Variants in PACRG observed in about 807,000 individuals in gnomAD.
PACRG encodes parkin coregulated, also known as parkin coregulated gene protein.
In PACRG, 29 loss-of-function variants were observed where a neutral mutation model predicts 29.7. The observed-to-expected ratio is 0.98, with a 90% CI of 0.73 to 1.33. The LOEUF is 1.33. PACRG is among the 40% of genes most tolerant of loss of function. The pLI, the probability that PACRG is intolerant of heterozygous loss-of-function variation, is 0.00. For missense variants in PACRG, 279 were observed against 316.2 expected (o/e 0.88, Z 0.89); for synonymous variants, 116 against 118.7 (o/e 0.98, Z 0.15).
intron 2 of PACRG, among the ~76,000 whole-genome samples, chr6:162,945,964 T>G (rs188181738): frequency 1.1e-4 from 16 of 152,134 alleles, no homozygotes; most frequent in African/African-American, 3.1e-4. Context: ...TTGAAACAAA[T>G]GAAAGTCAAA....
intron 4 of PACRG, among the ~76,000 whole-genome samples, chr6:163,194,284 T>C (rs1360501785): frequency 6.6e-6 from 1 of 152,150 alleles, no homozygotes; most frequent in East Asian, 1.9e-4. Flanking sequence ...TGGGGTTCTG[T>C]TTTTACTTTT....
intron 1 of PACRG, among the ~76,000 whole-genome samples, chr6:162,795,340 A>C (rs1269771335): frequency 1.3e-5 from 2 of 152,128 alleles, no homozygotes; most frequent in East Asian, 1.9e-4. Flanking sequence ...TGTTGGAACT[A>C]ATTCTGTTGT....
intron 2 of PACRG, among the ~76,000 whole-genome samples, chr6:163,042,350 C>T (rs1277137124): frequency 1.3e-5 from 2 of 152,118 alleles, no homozygotes; most frequent in Admixed American, 6.5e-5. Context: ...TTGGTCTTCT[C>T]CAGCAGTCAT....
In PACRG at chr6:163,072,545, G is replaced by C. The variant is rs143221951; in HGVS notation, c.463+10224G>C. The stretch of plus-strand genomic sequence containing the variant: ...TGAAAGCCTTTCCTCCTAAAATCAG[G>C]AACACGACAGAGCGCCCACTTTCAC... On this transcript the variant is annotated intron_variant, in intron 3 of 4. Coordinates refer to ENST00000366888, the MANE Select transcript of PACRG (RefSeq NM_001080379.2). 1.1e-3 allele frequency among the ~76,000 whole-genome samples: 170 copies of C among 152,194 alleles called. 3 individuals carry two copies. In the East Asian group the frequency reaches 0.017, roughly 15 times the overall value.
At chr6:162,788,801 A>G (rs1250468566) in intron 1 of PACRG, among the ~76,000 whole-genome samples, 2 of 152,150 alleles carry the variant, frequency 1.3e-5, no homozygotes, top group Non-Finnish European at 2.9e-5. Flanking sequence ...CCATCTTTAT[A>G]TCTTTGGGAG....
chr6:163,231,542 G>C (rs1264449266), intron 4 of PACRG, among the ~76,000 whole-genome samples: 1 of 152,176 alleles, frequency 6.6e-6, no homozygotes, highest in Non-Finnish European at 1.5e-5. Flanking sequence ...AGATGGATCA[G>C]CAACTTTGCA....
intron 2 of PACRG, among the ~76,000 whole-genome samples, chr6:163,047,430 A>C (rs1298056269): frequency 6.6e-6 from 1 of 152,214 alleles, no homozygotes; most frequent in African/African-American, 2.4e-5. Context: ...ACTATATGAC[A>C]AGAGGTTGAG....
Position 163,151,942 on chromosome 6 carries a change from G to A in PACRG, c.613+62534G>A, listed in dbSNP as rs555221155. 9.9e-4 allele frequency among the ~76,000 whole-genome samples: 150 copies of A among 152,244 alleles called. 1 individual carries two copies. Among genetic ancestry groups the A allele is most frequent in the African/African-American group, 3.3e-3 (136 of 41,538 alleles). ...AGCCCTTAGATTCTACCCCAAATAT[G>A]TCTTCTTAAATCCACTGTTTTTCTT... On this transcript the variant is annotated intron_variant, in intron 4 of 4. Transcript: ENST00000366888.
chr6:163,111,527 G>T (rs1815713572), intron 4 of PACRG, among the ~76,000 whole-genome samples: 1 of 152,192 alleles, frequency 6.6e-6, no homozygotes, highest in South Asian at 2.1e-4. Context: ...GAACTGATAG[G>T]ATGCTTTCTG....
At chr6:163,171,844 T>C (rs1162726441) in intron 4 of PACRG, among the ~76,000 whole-genome samples, 1 of 152,192 alleles carries the variant, frequency 6.6e-6, no homozygotes, top group Non-Finnish European at 1.5e-5. Flanking sequence ...GCACTGCCTG[T>C]GGGGACCCCT....
chr6:162,791,286 ACT>A (rs1784914420), intron 1 of PACRG, among the ~76,000 whole-genome samples: 1 of 140,290 alleles, frequency 7.1e-6, no homozygotes, highest in Non-Finnish European at 1.5e-5. Context: ...TCTTTTCCCC[ACT>A]CTGACTCCTA....
intron 4 of PACRG, among the ~76,000 whole-genome samples, chr6:163,297,318 G>A (rs2128188880): frequency 6.6e-6 from 1 of 152,326 alleles, no homozygotes; most frequent in Non-Finnish European, 1.5e-5. Context: ...CACGGTTCAG[G>A]TTGCTGGCAT....
intron 4 of PACRG, among the ~76,000 whole-genome samples, chr6:163,248,431 C>CAAAAAAAAAA (rs199676766): frequency 9.1e-6 from 1 of 109,690 alleles, no homozygotes; most frequent in African/African-American, 3.0e-5. Context: ...ATATTTTATG[C>CAAAAAAAAAA]AAAAAAAAAA....
intron 2 of PACRG, among the ~76,000 whole-genome samples, chr6:162,866,706 G>A (rs922583955): frequency 2.6e-5 from 4 of 152,062 alleles, no homozygotes; most frequent in East Asian, 1.9e-4. Context: ...CAGTTTGAGG[G>A]AACTTAAAAG....
chr6:162,933,601 C>CTTTTTTTTTTTTTTTTTTTTTTAT (rs1798013327), intron 2 of PACRG, among the ~76,000 whole-genome samples: 1 of 74,610 alleles, frequency 1.3e-5, no homozygotes, highest in Non-Finnish European at 2.4e-5. Context: ...CTTTCTGTAT[C>CTTTTTTTTTTTTTTTTTTTTTTAT]TTTTTTTTTT....
intron 2 of PACRG, among the ~76,000 whole-genome samples, chr6:162,941,852 G>A (rs991350579): frequency 1.3e-5 from 2 of 152,064 alleles, no homozygotes; most frequent in African/African-American, 4.8e-5. Flanking sequence ...CTCCATAAAA[G>A]TTATCAGTTT....
chr6:163,308,245 T>C (rs1321586114), intron 4 of PACRG, among the ~76,000 whole-genome samples: 1 of 152,252 alleles, frequency 6.6e-6, no homozygotes, highest in Non-Finnish European at 1.5e-5. Flanking sequence ...AATAAATTTC[T>C]TTTGAAAATT....
At chr6:162,959,787 G>A (rs1447036323) in intron 2 of PACRG, among the ~76,000 whole-genome samples, 2 of 152,136 alleles carry the variant, frequency 1.3e-5, no homozygotes. Context: ...GTGGAATGTG[G>A]TTGGATCCTG....
intron 4 of PACRG, among the ~76,000 whole-genome samples, chr6:163,286,802 G>T (rs1004814752): frequency 6.6e-6 from 1 of 152,170 alleles, no homozygotes; most frequent in Non-Finnish European, 1.5e-5. Context: ...TATGTGGTAT[G>T]TAAGTGTATG....
Sources: allele counts gnomAD v4.1 joint callset (sites outside exome capture counted in the v4.1 genomes callset), GRCh38; gene constraint gnomAD v4.1.1; transcripts MANE v1.5; gene names NCBI Gene and HGNC (gene_info 2026-07-23, HGNC 2026-07-21).